Variants in MARCHF1 observed in about 807,000 individuals in gnomAD.
The protein encoded by MARCHF1 is membrane associated ring-CH-type finger 1.
A neutral mutation model predicts 54.2 loss-of-function variants in MARCHF1; 40 were observed. The observed-to-expected ratio is 0.74, with a 90% CI of 0.57 to 0.96. The LOEUF is 0.96. Ranked by LOEUF, MARCHF1 falls within the 40% of genes least tolerant of loss-of-function variation. The pLI is 0.00. For synonymous variants in MARCHF1, 236 were observed against 236.3 expected (o/e 1.00, Z 0.01); for missense variants, 586 against 656.5 (o/e 0.89, Z 1.17).
At chr4:163,766,303 G>C (rs904635154) in intron 4 of MARCHF1, among the ~76,000 whole-genome samples, 1 of 152,180 alleles carries the variant, frequency 6.6e-6, no homozygotes, top group Middle Eastern at 3.4e-3. Flanking sequence ...TTGGGGGAAA[G>C]TAAAAGATCC....
intron 1 of MARCHF1, among the ~76,000 whole-genome samples, chr4:164,368,275 T>C (rs952294310): frequency 4.0e-5 from 6 of 151,210 alleles, no homozygotes; most frequent in African/African-American, 1.4e-4. Flanking sequence ...ATCATAAAGA[T>C]ATATTATGTT....
At chr4:164,376,632 G>A (rs556699962) in intron 1 of MARCHF1, among the ~76,000 whole-genome samples, 115 of 152,238 alleles carry the variant, frequency 7.6e-4, no homozygotes, top group African/African-American at 2.3e-3. Flanking sequence ...TGCAGAGTGC[G>A]TCTCGGAACT....
At chr4:163,917,496 C>A (rs1751335618) in intron 3 of MARCHF1, among the ~76,000 whole-genome samples, 1 of 152,134 alleles carries the variant, frequency 6.6e-6, no homozygotes, top group Non-Finnish European at 1.5e-5. Context: ...TTTTAATTTG[C>A]AAGTCCTTAA....
intron 1 of MARCHF1, among the ~76,000 whole-genome samples, chr4:164,250,225 G>T (rs905738560): frequency 2.0e-5 from 3 of 152,056 alleles, no homozygotes; most frequent in Admixed American, 1.3e-4. Context: ...TTATGTTTTA[G>T]AATGTCAATG....
intron 5 of MARCHF1, among the ~76,000 whole-genome samples, chr4:163,648,642 G>T (rs1239700150): frequency 7.3e-6 from 1 of 136,670 alleles, no homozygotes; most frequent in East Asian, 2.1e-4. Context: ...AGAGAGGAAA[G>T]CAAATGTTGT....
chr4:163,754,356 A>G (rs926507885), intron 4 of MARCHF1, among the ~76,000 whole-genome samples: 1 of 152,200 alleles, frequency 6.6e-6, no homozygotes, highest in African/African-American at 2.4e-5. Flanking sequence ...AGAGGAGTTT[A>G]TTCAAAATGA....
intron 1 of MARCHF1, among the ~76,000 whole-genome samples, chr4:164,173,067 A>T (rs1420191897): frequency 6.6e-6 from 1 of 152,180 alleles, no homozygotes; most frequent in African/African-American, 2.4e-5. Flanking sequence ...GTTAAACTAC[A>T]ATTTGCAAGT....
At chr4:164,026,316 G>A (rs369996746) in intron 2 of MARCHF1, among the ~76,000 whole-genome samples, 18 of 152,088 alleles carry the variant, frequency 1.2e-4, no homozygotes, top group African/African-American at 3.9e-4. Flanking sequence ...CCTGATGAAC[G>A]TAGATTCATA....
chr4:163,723,654 G>C (rs1484821317), intron 4 of MARCHF1, among the ~76,000 whole-genome samples: 1 of 152,098 alleles, frequency 6.6e-6, no homozygotes, highest in Admixed American at 6.6e-5. Flanking sequence ...ATCACTTTCA[G>C]GTACACCAAA....
intron 5 of MARCHF1, among the ~76,000 whole-genome samples, chr4:163,693,553 G>A (rs148670664): frequency 6.6e-6 from 1 of 151,362 alleles, no homozygotes; most frequent in Admixed American, 6.6e-5. Context: ...AAAATGCAAT[G>A]TGGGCTCTCT....
intron 4 of MARCHF1, among the ~76,000 whole-genome samples, chr4:163,726,560 C>T (rs866402521): frequency 6.6e-6 from 1 of 152,116 alleles, no homozygotes; most frequent in Non-Finnish European, 1.5e-5. Flanking sequence ...AACAAAGCTG[C>T]TATATGCATT....
At chr4:163,651,079 T>A (rs569591758) in intron 5 of MARCHF1, among the ~76,000 whole-genome samples, 1 of 151,908 alleles carries the variant, frequency 6.6e-6, no homozygotes, top group Non-Finnish European at 1.5e-5. Flanking sequence ...GAAGTTTAGT[T>A]CCAAAATCAA....
intron 3 of MARCHF1, among the ~76,000 whole-genome samples, chr4:163,959,388 G>GTAA (rs1752297897): frequency 6.6e-6 from 1 of 151,482 alleles, no homozygotes; most frequent in Non-Finnish European, 1.5e-5. Context: ...AAAAGCTGGA[G>GTAA]GCATAGTGAT....
At chr4:164,197,135 C>A in intron 1 of MARCHF1, 1 of 1,247,388 alleles carries the variant, frequency 8.0e-7, no homozygotes. Flanking sequence ...TCTTCACCTT[C>A]CTCCTCCTCC....
chr4:163,891,246 T>C (rs917565921), intron 3 of MARCHF1, among the ~76,000 whole-genome samples: 1 of 152,134 alleles, frequency 6.6e-6, no homozygotes, highest in African/African-American at 2.4e-5. Flanking sequence ...ATTATCTTCC[T>C]GATTTCTTAC....
intron 3 of MARCHF1, among the ~76,000 whole-genome samples, chr4:163,885,844 G>A (rs115986934): frequency 0.16 from 23,580 of 151,076 alleles, 2,013 homozygotes; most frequent in Non-Finnish European, 0.18. Context: ...GGCCAAGGCA[G>A]GAGTATTACT....
At chr4:164,360,740 G>T (rs1438495223) in intron 1 of MARCHF1, among the ~76,000 whole-genome samples, 1 of 151,926 alleles carries the variant, frequency 6.6e-6, no homozygotes, top group Admixed American at 6.6e-5. Context: ...CTCTGCTACG[G>T]TCTCCAAAAC....
At chr4:163,637,537 A>T (rs986966857) in intron 5 of MARCHF1, among the ~76,000 whole-genome samples, 8 of 151,944 alleles carry the variant, frequency 5.3e-5, no homozygotes, top group Non-Finnish European at 1.2e-4. Context: ...TCAAAACCAC[A>T]ATGAGATACC....
intron 9 of MARCHF1, among the ~76,000 whole-genome samples, chr4:163,532,697 CCT>C (rs1738393050): frequency 6.6e-6 from 1 of 151,788 alleles, no homozygotes; most frequent in Non-Finnish European, 1.5e-5. Flanking sequence ...AAGAAAATAA[CCT>C]AATTACAAAA....
Sources: allele counts gnomAD v4.1 joint callset (sites outside exome capture counted in the v4.1 genomes callset), GRCh38; gene constraint gnomAD v4.1.1; transcripts MANE v1.5; gene names NCBI Gene and HGNC (gene_info 2026-07-23, HGNC 2026-07-21).